Variants in MGAT4C observed in about 807,000 individuals in gnomAD.
MGAT4C encodes the protein alpha-1,3-mannosyl-glycoprotein 4-beta-N-acetylglucosaminyltransferase C.
A neutral mutation model predicts 40.1 loss-of-function variants in MGAT4C; 19 were observed. The ratio of observed to expected loss-of-function variants is 0.47; its 90% confidence interval spans 0.33 to 0.70. The LOEUF (loss-of-function observed/expected upper bound fraction) is 0.70, where lower values mean the gene tolerates loss of function less well. Among genes scored for constraint, MGAT4C ranks in the 30% least tolerant of loss-of-function variants. The probability of loss-of-function intolerance (pLI) is 0.02; values close to 1 mark genes in which losing one functional copy is unlikely to be tolerated. For synonymous variants in MGAT4C, 181 were observed against 187.1 expected (o/e 0.97, Z 0.27); for missense variants, 491 against 563.2 (o/e 0.87, Z 1.30).
At chr12:86,530,907 C>G (rs1477064245) in intron 2 of MGAT4C, among the ~76,000 whole-genome samples, 1 of 151,978 alleles carries the variant, frequency 6.6e-6, no homozygotes, top group Non-Finnish European at 1.5e-5. Context: ...ATGTTATATA[C>G]ATATATCTTA....
intron 1 of MGAT4C, among the ~76,000 whole-genome samples, chr12:86,114,453 A>G (rs1029577417): frequency 2.0e-5 from 3 of 151,948 alleles, no homozygotes; most frequent in Non-Finnish European, 4.4e-5. Flanking sequence ...TAAGTAAAAT[A>G]AAAAATTGTA....
intron 2 of MGAT4C, among the ~76,000 whole-genome samples, chr12:86,629,447 T>C (rs1280433208): frequency 6.6e-6 from 1 of 152,126 alleles, no homozygotes; most frequent in Non-Finnish European, 1.5e-5. Context: ...CAAGAGAGTA[T>C]ACATTCTTCT....
At chr12:86,272,350 G>A (rs1220429462) in intron 4 of MGAT4C, among the ~76,000 whole-genome samples, 2 of 152,114 alleles carry the variant, frequency 1.3e-5, no homozygotes, top group Admixed American at 1.3e-4. Flanking sequence ...TGTTATGAAT[G>A]TTGGTACACA....
intron 1 of MGAT4C, among the ~76,000 whole-genome samples, chr12:86,191,924 G>A (rs1366084058): frequency 6.6e-6 from 1 of 150,418 alleles, no homozygotes; most frequent in African/African-American, 2.4e-5. Flanking sequence ...ATAAAAAAGG[G>A]TGAGTTCATG....
At chr12:86,462,076 T>C (rs546934547) in intron 2 of MGAT4C, among the ~76,000 whole-genome samples, 1 of 152,334 alleles carries the variant, frequency 6.6e-6, no homozygotes, top group Admixed American at 6.5e-5. Context: ...TTGGAACAGA[T>C]GGCGAAAAGC....
intron 3 of MGAT4C, among the ~76,000 whole-genome samples, chr12:86,346,456 C>T (rs1955035032): frequency 2.0e-5 from 3 of 152,136 alleles, no homozygotes; most frequent in Admixed American, 6.5e-5. Flanking sequence ...AACTCCTGAC[C>T]TCAAGTGATC....
chr12:86,218,053 T>C (rs186613119), intron 1 of MGAT4C, among the ~76,000 whole-genome samples: 7 of 152,226 alleles, frequency 4.6e-5, no homozygotes, highest in Admixed American at 3.3e-4. Context: ...ACGAGAACTT[T>C]TTTTTTGGAG....
intron 2 of MGAT4C, among the ~76,000 whole-genome samples, chr12:86,532,703 AGGCT>A (rs1342063008): frequency 6.6e-6 from 1 of 152,070 alleles, no homozygotes; most frequent in African/African-American, 2.4e-5. Context: ...TGCATCTTAA[AGGCT>A]GGCAATCTGG....
intron 2 of MGAT4C, among the ~76,000 whole-genome samples, chr12:86,596,422 G>A (rs1282725194): frequency 6.6e-6 from 1 of 152,130 alleles, no homozygotes; most frequent in Admixed American, 6.5e-5. Flanking sequence ...AGATGGCCAC[G>A]TGAAATTGTA....
chr12:86,061,516 T>C (rs1209947222), intron 1 of MGAT4C, among the ~76,000 whole-genome samples: 1 of 151,228 alleles, frequency 6.6e-6, no homozygotes, highest in Non-Finnish European at 1.5e-5. Flanking sequence ...CAACGCAAGC[T>C]AGAAAGAATT....
chr12:86,344,716 C>CA (rs1566305662), intron 3 of MGAT4C, among the ~76,000 whole-genome samples: 1 of 94,038 alleles, frequency 1.1e-5, no homozygotes, highest in Non-Finnish European at 2.1e-5. Flanking sequence ...TATCTCTTCT[C>CA]GGTGTGTGTG....
At chr12:86,425,273 C>T (rs1372300551) in intron 3 of MGAT4C, among the ~76,000 whole-genome samples, 12 of 152,110 alleles carry the variant, frequency 7.9e-5, no homozygotes, top group East Asian at 3.9e-4. Context: ...GTAATCTCCA[C>T]GAGTTGAGGG....
chr12:86,565,948 C>T (rs1408684346), intron 2 of MGAT4C, among the ~76,000 whole-genome samples: 1 of 152,128 alleles, frequency 6.6e-6, no homozygotes, highest in Non-Finnish European at 1.5e-5. Context: ...GACCTGGCTA[C>T]AGCTACCGCT....
Position 86,320,968 on chromosome 12 carries a change from TA to T in MGAT4C, c.-57+13096del, listed in dbSNP as rs1221107167. Among the ~76,000 whole-genome samples, 16 of 152,100 alleles carry T rather than the reference TA, an allele frequency of 1.1e-4. 1 individual carries two copies. The highest frequency in any genetic ancestry group is 3.9e-4 in the African/African-American group (16 of 41,434). On this transcript the variant is annotated intron_variant, in intron 4 of 7. Coordinates refer to the MGAT4C transcript ENST00000548651. The stretch of plus-strand genomic sequence containing the variant: ...CACTATTTAATCCCATTCTTGCTCC[TA>T]AACAATTAAGATAGGAAAAAATCAA...
chr12:86,308,106 ATGTT>A (rs1953985233), intron 4 of MGAT4C, among the ~76,000 whole-genome samples: 3 of 150,504 alleles, frequency 2.0e-5, no homozygotes, highest in South Asian at 4.2e-4. Context: ...TAGATGTACA[ATGTT>A]TGATATCTAA....
chr12:85,990,246 A>AGAGTCAGAATC (rs1410188198), intron 2 of MGAT4C, among the ~76,000 whole-genome samples: 1 of 152,146 alleles, frequency 6.6e-6, no homozygotes, highest in African/African-American at 2.4e-5. Context: ...AGGCAAAATG[A>AGAGTCAGAATC]GAGTCAGAAA....
At chr12:86,174,346 A>T (rs1261301005) in intron 1 of MGAT4C, among the ~76,000 whole-genome samples, 1 of 152,038 alleles carries the variant, frequency 6.6e-6, no homozygotes, top group Non-Finnish European at 1.5e-5. Flanking sequence ...TACAAACTCC[A>T]GTTGTTTTAA....
chr12:86,041,785 G>A (rs1036790831), intron 2 of MGAT4C, among the ~76,000 whole-genome samples: 6 of 152,156 alleles, frequency 3.9e-5, no homozygotes, highest in Admixed American at 1.3e-4. Flanking sequence ...TGAAAAGAAT[G>A]TATATTCTGT....
chr12:86,106,846 T>C (rs1565990672), intron 1 of MGAT4C, among the ~76,000 whole-genome samples: 1 of 152,170 alleles, frequency 6.6e-6, no homozygotes, highest in Non-Finnish European at 1.5e-5. Flanking sequence ...GATGTTGTAT[T>C]TGAAGTAGAT....
Sources: allele counts gnomAD v4.1 joint callset (sites outside exome capture counted in the v4.1 genomes callset), GRCh38; gene constraint gnomAD v4.1.1; transcripts MANE v1.5; gene names NCBI Gene and HGNC (gene_info 2026-07-23, HGNC 2026-07-21).